The following PTPRD variants were observed in gnomAD, a reference collection of about 807,000 sequenced individuals.
PTPRD encodes the protein protein tyrosine phosphatase receptor type D.
Under a neutral mutation model 214.5 loss-of-function variants are expected in PTPRD, and 34 were observed. The ratio of observed to expected loss-of-function variants is 0.16; its 90% CI spans 0.12 to 0.21. The LOEUF (loss-of-function observed/expected upper bound fraction) is 0.21, where lower values mean the gene tolerates loss of function less well. PTPRD is among the 10% of genes least tolerant of loss of function. PTPRD has a pLI of 1.00. For synonymous variants in PTPRD, 1,128 were observed against 845.7 expected (o/e 1.33, Z -5.79); for missense variants, 2,545 against 2,398.7 (o/e 1.06, Z -1.27).
chr9:9,713,308 G>A (rs563331550), intron 7 of PTPRD, among the ~76,000 whole-genome samples: 11 of 152,178 alleles, frequency 7.2e-5, no homozygotes, highest in African/African-American at 2.6e-4. Flanking sequence ...AAATTAGAAT[G>A]GGGAAAGGGA....
chr9:9,981,460 T>C (rs2095541081), intron 4 of PTPRD, among the ~76,000 whole-genome samples: 1 of 151,156 alleles, frequency 6.6e-6, no homozygotes, highest in South Asian at 2.1e-4. Flanking sequence ...GTTCAAGCCA[T>C]TCTCCTGCCT....
chr9:9,955,530 T>TTTG (rs1555391006), intron 4 of PTPRD, among the ~76,000 whole-genome samples: 203 of 123,166 alleles, frequency 1.6e-3, no homozygotes, highest in African/African-American at 6.2e-3. Context: ...TGTTTTGTTT[T>TTTG]TTTTTTTTTT....
chr9:9,298,768 A>C (rs546898651), intron 9 of PTPRD, among the ~76,000 whole-genome samples: 1 of 151,776 alleles, frequency 6.6e-6, no homozygotes, highest in African/African-American at 2.4e-5. Context: ...AATTATTTAC[A>C]TATTGAATAA....
At position 8,751,425 on chromosome 9, in the gene PTPRD, A is replaced by G. The variant is rs563089745; in HGVS notation, c.-103-17479T>C. Among the ~76,000 whole-genome samples, 86 of 150,890 alleles carry G rather than the reference A, an allele frequency of 5.7e-4. 1 individual carries two copies. Among genetic ancestry groups the G allele is most frequent in the Middle Eastern group, 6.9e-3 (2 of 290 alleles). ...CTTAAAAAAAAAAAAGAAAAGAAAA[A>G]AAAATATTTTTAGGTTTCTGAAGTT... is the stretch of plus-strand genomic sequence containing the variant. On this transcript the variant is annotated intron_variant, in intron 11 of 45. Coordinates refer to ENST00000381196, the MANE Select transcript of PTPRD (RefSeq NM_002839.4).
At chr9:9,809,844 G>A (rs1455116975) in intron 5 of PTPRD, among the ~76,000 whole-genome samples, 1 of 152,122 alleles carries the variant, frequency 6.6e-6, no homozygotes, top group Non-Finnish European at 1.5e-5. Flanking sequence ...ATAAATTTGA[G>A]GTTGGAGCAA....
intron 11 of PTPRD, among the ~76,000 whole-genome samples, chr9:8,993,074 A>G (rs896930547): frequency 3.3e-5 from 5 of 152,164 alleles, no homozygotes; most frequent in Non-Finnish European, 7.3e-5. Context: ...GTGTTACATA[A>G]TCTTATCTCA....
intron 29 of PTPRD, 25 bp from the exon 30 acceptor site, chr9:8,484,403 A>C (rs2096953169): frequency 1.9e-6 from 3 of 1,585,072 alleles, no homozygotes; most frequent in African/African-American, 1.4e-5. Context: ...CCAATAAAAA[A>C]AAAATCTGGT....
At chr9:10,008,838 A>G (rs1027856728) in intron 4 of PTPRD, among the ~76,000 whole-genome samples, 1 of 152,042 alleles carries the variant, frequency 6.6e-6, no homozygotes, top group Non-Finnish European at 1.5e-5. Context: ...AGAAAGACCA[A>G]AATAAAGAAC....
At chr9:8,666,504 G>A (rs1483996281) in intron 12 of PTPRD, among the ~76,000 whole-genome samples, 3 of 152,156 alleles carry the variant, frequency 2.0e-5, no homozygotes, top group Non-Finnish European at 2.9e-5. Context: ...AGCCCTTATA[G>A]GTGTCACTGC....
intron 14 of PTPRD, among the ~76,000 whole-genome samples, chr9:8,623,703 T>C (rs2095895254): frequency 6.6e-6 from 1 of 151,860 alleles, no homozygotes; most frequent in Non-Finnish European, 1.5e-5. Flanking sequence ...GTTTACTCAA[T>C]AGGTCTTCTT....
chr9:9,133,239 G>C (rs1248791930), intron 10 of PTPRD, among the ~76,000 whole-genome samples: 1 of 152,186 alleles, frequency 6.6e-6, no homozygotes, highest in Non-Finnish European at 1.5e-5. Flanking sequence ...TTGGCTGGCA[G>C]ATAGATGGTG....
chr9:10,202,671 G>GTTATATATAT, intron 3 of PTPRD, among the ~76,000 whole-genome samples: 1 of 113,114 alleles, frequency 8.8e-6, no homozygotes, highest in Non-Finnish European at 1.8e-5. Context: ...AAATTATATG[G>GTTATATATAT]ATATATATAT....
chr9:9,894,366 G>C (rs950997669), intron 5 of PTPRD, among the ~76,000 whole-genome samples: 1 of 152,024 alleles, frequency 6.6e-6, no homozygotes, highest in South Asian at 2.1e-4. Flanking sequence ...TGAAGGCCCT[G>C]TGTGATCTTT....
At chr9:8,685,719 G>A (rs1443261488) in intron 12 of PTPRD, among the ~76,000 whole-genome samples, 1 of 152,226 alleles carries the variant, frequency 6.6e-6, no homozygotes, top group African/African-American at 2.4e-5. Flanking sequence ...TCAAGCAACA[G>A]CACAGCCACA....
intron 14 of PTPRD, among the ~76,000 whole-genome samples, chr9:8,617,206 T>A (rs1043438026): frequency 3.3e-5 from 5 of 151,956 alleles, no homozygotes; most frequent in African/African-American, 1.2e-4. Flanking sequence ...TAACAGCAAT[T>A]ACCTAAAATA....
intron 25 of PTPRD, among the ~76,000 whole-genome samples, chr9:8,497,806 G>A (rs1012454761): frequency 6.6e-6 from 1 of 152,148 alleles, no homozygotes; most frequent in African/African-American, 2.4e-5. Flanking sequence ...CACATTTAAT[G>A]CATTTGGTAT....
intron 11 of PTPRD, among the ~76,000 whole-genome samples, chr9:8,804,393 T>C (rs763424583): frequency 6.6e-5 from 10 of 151,726 alleles, no homozygotes; most frequent in African/African-American, 1.4e-4. Flanking sequence ...AACCCACAAA[T>C]TTGAGACCAG....
intron 11 of PTPRD, among the ~76,000 whole-genome samples, chr9:8,935,019 A>G (rs1451930113): frequency 6.6e-6 from 1 of 152,118 alleles, no homozygotes; most frequent in Non-Finnish European, 1.5e-5. Flanking sequence ...ACTTATATAT[A>G]CACACACAGA....
intron 8 of PTPRD, among the ~76,000 whole-genome samples, chr9:9,498,834 A>G (rs1319096067): frequency 2.0e-5 from 3 of 152,176 alleles, no homozygotes; most frequent in Admixed American, 6.6e-5. Context: ...CAATTAGAAC[A>G]TATCTGTGTT....
Sources: gnomAD v4.1 joint callset for allele counts (sites outside exome capture counted in the v4.1 genomes callset) on GRCh38, gnomAD v4.1.1 for gene constraint, MANE v1.5 for transcripts, NCBI Gene and HGNC (gene_info 2026-07-23, HGNC 2026-07-21) for gene names.